BTG4: variants seen among roughly 807,000 people sequenced by gnomAD.
BTG4 encodes protein BTG4.
BTG4 carries 10 observed loss-of-function variants against 19.3 expected under a neutral mutation model. The observed-to-expected ratio is 0.52, with a 90% CI of 0.32 to 0.88. BTG4 has a LOEUF of 0.88. BTG4 is among the 40% of genes least tolerant of loss of function. The probability of loss-of-function intolerance (pLI) is 0.04; values close to 1 mark genes in which losing one functional copy is unlikely to be tolerated. For missense variants in BTG4, 238 were observed against 281.9 expected (o/e 0.84, Z 1.11); for synonymous variants, 91 against 95.7 (o/e 0.95, Z 0.29).
At chr11:111,394,955 T>TC in the BTG4 span, among the ~76,000 whole-genome samples, 2 of 152,162 alleles carry the variant, frequency 1.3e-5, no homozygotes, top group Non-Finnish European at 2.9e-5. Context: ...ATGAGTCCTC[T>TC]CCCCCTCAGA....
intron 5 of BTG4, chr11:111,469,964 G>A (rs1405707258): frequency 6.6e-6 from 1 of 152,628 alleles, no homozygotes; most frequent in Non-Finnish European, 1.5e-5. Context: ...ATCTCCCTTG[G>A]AGCCAGAATC....
At chr11:111,442,583 A>G in the BTG4 span, among the ~76,000 whole-genome samples, 1,036 of 151,720 alleles carry the variant, frequency 6.8e-3, 12 homozygotes, top group African/African-American at 0.024. Context: ...CCAAAAATAT[A>G]AGGAAGTACT....
chr11:111,436,140 GA>G, the BTG4 span, among the ~76,000 whole-genome samples: 1 of 152,204 alleles, frequency 6.6e-6, no homozygotes, highest in Non-Finnish European at 1.5e-5. Context: ...GGGGCTCACA[GA>G]AGTGTCTACA....
the BTG4 span, among the ~76,000 whole-genome samples, chr11:111,447,899 C>T: frequency 1.5e-4 from 23 of 152,102 alleles, no homozygotes; most frequent in Admixed American, 8.5e-4. Flanking sequence ...TCTCCTGTAC[C>T]GCCACCCTCA....
At chr11:111,431,342 C>T in the BTG4 span, among the ~76,000 whole-genome samples, 2,467 of 152,230 alleles carry the variant, frequency 0.016, 68 homozygotes, top group African/African-American at 0.057. Flanking sequence ...TACAGTATCT[C>T]ATGAATCTTC....
the BTG4 span, among the ~76,000 whole-genome samples, chr11:111,442,425 A>G: frequency 6.6e-6 from 1 of 151,438 alleles, no homozygotes; most frequent in Admixed American, 6.6e-5. Context: ...CACTTGAGCC[A>G]GGGAGGTGGA....
chr11:111,389,007 A>C, the BTG4 span, among the ~76,000 whole-genome samples: 1 of 152,256 alleles, frequency 6.6e-6, no homozygotes, highest in African/African-American at 2.4e-5. Context: ...GATTTGTGCC[A>C]AAACACCATG....
chr11:111,407,379 T>G, the BTG4 span, among the ~76,000 whole-genome samples: 2 of 152,200 alleles, frequency 1.3e-5, no homozygotes, highest in African/African-American at 4.8e-5. Context: ...GTTATAAAAA[T>G]AGCATAATGG....
At position 111,497,164 on chromosome 11, in the gene BTG4, G is replaced by T. The variant is rs12270627; in HGVS notation, c.510+47C>A. Reference sequence around the variant, plus strand: ...TTTCATAATGAGTGCATTCTTTTTAGAATTAGATAGAAAAAAAGTATAGAA... The same window carrying T: ...TTTCATAATGAGTGCATTCTTTTTATAATTAGATAGAAAAAAAGTATAGAA... On this transcript the variant is annotated intron_variant, in intron 4 of 4. Transcript: ENST00000692032. 5.1e-4 allele frequency: 778 copies of T among 1,515,102 alleles called. 5 individuals carry two copies. In the African/African-American group the frequency reaches 9.3e-3, roughly 18 times the overall value. The allele number at this position is 1,515,102 out of a possible 1,614,324, so 93.9% of individuals were successfully genotyped here.
intron 5 of BTG4, among the ~76,000 whole-genome samples, chr11:111,473,698 A>C (rs567763081): frequency 6.6e-6 from 1 of 152,302 alleles, no homozygotes; most frequent in Non-Finnish European, 1.5e-5. Flanking sequence ...ACACACCAGA[A>C]AAATGAAAAT....
the BTG4 span, among the ~76,000 whole-genome samples, chr11:111,441,895 C>T: frequency 2.0e-5 from 3 of 148,698 alleles, no homozygotes; most frequent in Non-Finnish European, 4.5e-5. Flanking sequence ...CCCATCTCTA[C>T]TAAAAATACA....
At chr11:111,413,416 C>A in the BTG4 span, among the ~76,000 whole-genome samples, 1 of 152,252 alleles carries the variant, frequency 6.6e-6, no homozygotes, top group Non-Finnish European at 1.5e-5. Flanking sequence ...TGGCATGGGC[C>A]TTGGTGAATG....
At chr11:111,428,260 G>A in the BTG4 span, among the ~76,000 whole-genome samples, 35,558 of 152,082 alleles carry the variant, frequency 0.23, 4,807 homozygotes, top group Admixed American at 0.34. Flanking sequence ...GGAAGGGGAA[G>A]AGGAAGAAGA....
At chr11:111,387,739 G>A in the BTG4 span, among the ~76,000 whole-genome samples, 5 of 152,172 alleles carry the variant, frequency 3.3e-5, no homozygotes, top group Non-Finnish European at 7.3e-5. Flanking sequence ...AAATGATCTT[G>A]GAAGATAATC....
chr11:111,390,651 C>T, the BTG4 span, among the ~76,000 whole-genome samples: 1 of 152,122 alleles, frequency 6.6e-6, no homozygotes, highest in African/African-American at 2.4e-5. Context: ...TCAGTCACAC[C>T]ACAGGAAGTG....
chr11:111,436,910 G>A, the BTG4 span, among the ~76,000 whole-genome samples: 1 of 152,166 alleles, frequency 6.6e-6, no homozygotes, highest in African/African-American at 2.4e-5. Flanking sequence ...CAGACAGCAT[G>A]CCCTCCCCAC....
chr11:111,390,185 A>G, the BTG4 span, among the ~76,000 whole-genome samples: 7 of 152,204 alleles, frequency 4.6e-5, no homozygotes, highest in Non-Finnish European at 1.5e-5. Context: ...CACACACAAG[A>G]AAGTTAAGTC....
At chr11:111,461,698 C>T in the BTG4 span, among the ~76,000 whole-genome samples, 1 of 152,248 alleles carries the variant, frequency 6.6e-6, no homozygotes. Flanking sequence ...TCAGCAACAA[C>T]ATGAGACTCC....
the BTG4 span, among the ~76,000 whole-genome samples, chr11:111,400,485 CA>C: frequency 6.6e-6 from 1 of 152,188 alleles, no homozygotes; most frequent in African/African-American, 2.4e-5. Flanking sequence ...AAGTGCAGTA[CA>C]AACATATTAA....
Sources: allele counts gnomAD v4.1 joint callset (sites outside exome capture counted in the v4.1 genomes callset), GRCh38; gene constraint gnomAD v4.1.1; transcripts MANE v1.5; gene names NCBI Gene and HGNC (gene_info 2026-07-23, HGNC 2026-07-21).